The following CROCC variants were observed in gnomAD, a reference collection of about 807,000 sequenced individuals.
The protein encoded by CROCC is rootletin.
Under a neutral mutation model 245.2 loss-of-function variants are expected in CROCC, and 180 were observed. That is an observed-to-expected ratio of 0.73 (90% confidence interval 0.65 to 0.83). The LOEUF (loss-of-function observed/expected upper bound fraction) is 0.83, where lower values mean the gene tolerates loss of function less well. Among genes scored for constraint, CROCC ranks in the 40% least tolerant of loss-of-function variants. The probability of loss-of-function intolerance (pLI) is 0.00; values close to 1 mark genes in which losing one functional copy is unlikely to be tolerated. For synonymous variants in CROCC, 1,205 were observed against 1,241.6 expected (o/e 0.97, Z 0.62); for missense variants, 2,688 against 2,779.4 (o/e 0.97, Z 0.74).
chr1:16,942,964 C>T (rs1260888888), intron 13 of CROCC, among the ~76,000 whole-genome samples: 2 of 152,214 alleles, frequency 1.3e-5, no homozygotes, highest in African/African-American at 2.4e-5. Flanking sequence ...AAAAATTGGC[C>T]GGGCACAGTG....
Position 16,956,012 on chromosome 1 carries a change from T to C in CROCC, c.3720T>C (p.Asn1240=), listed in dbSNP as rs1171251516. 1.3e-6 allele frequency: 2 copies of C among 1,550,606 alleles called. No homozygotes were observed. Among genetic ancestry groups the C allele is most frequent in the Non-Finnish European group, 1.7e-6 (2 of 1,146,990 alleles). ...CCCTCTCCAGCCTGAAGCTTGCCAA[T>C]GAGGACAAGGAGCAGAAGCTGGCAC... ...ESERISLKLA[N]EDKEQKLALL... is the part of the protein sequence containing the mutation. Residue 1240 remains asparagine, a synonymous_variant, in exon 25 of 37, where the codon AAT becomes AAC. Transcript: ENST00000375541.
At chr1:16,939,271 G>T (rs1451679890) in intron 12 of CROCC, 129 bp downstream of exon 12, 7 of 839,890 alleles carry the variant, frequency 8.3e-6, no homozygotes, top group Non-Finnish European at 1.2e-5. Flanking sequence ...AGCGCCCTGG[G>T]GTGCAGCCAG....
At chr1:16,914,696 T>A (rs1176112420) in intron 1 of CROCC, among the ~76,000 whole-genome samples, 5 of 152,276 alleles carry the variant, frequency 3.3e-5, no homozygotes, top group South Asian at 2.1e-4. Flanking sequence ...CCTCTCACCA[T>A]GCGGCCTCAG....
chr1:16,926,109 A>G (rs1309542395), intron 3 of CROCC, among the ~76,000 whole-genome samples: 1 of 152,276 alleles, frequency 6.6e-6, no homozygotes, highest in Non-Finnish European at 1.5e-5. Flanking sequence ...GGGTTAGTCT[A>G]GAAAGCTCCC....
intron 27 of CROCC, among the ~76,000 whole-genome samples, chr1:16,965,235 G>C (rs957677371): frequency 1.3e-5 from 2 of 152,200 alleles, no homozygotes; most frequent in Non-Finnish European, 2.9e-5. Context: ...TGGGCACTCA[G>C]TATGGAGAGA....
rs2075853687 is a variant in CROCC, at chr1:16,938,945, A to C, written c.1411A>C (p.Ser471Arg). Residue 471 changes from serine (S) to arginine (R), a missense_variant, in exon 12 of 37, where the codon AGC becomes CGC. Physicochemically the swap from Ser to Arg is moderately radical, Grantham distance 110. Transcript: ENST00000375541. ...LSDSESGVQL[S>R]GSERTADASN... ...AGACTCTGAGAGCGGCGTCCAGCTG[A>C]GCGGCTCTGAGCGCACCGCGGATGC... 3 of 1,600,970 alleles carry C rather than the reference A, an allele frequency of 1.9e-6. No homozygotes were observed. Among genetic ancestry groups the C allele is most frequent in the African/African-American group, 2.7e-5 (2 of 74,116 alleles).
At chr1:16,934,325 A>G (rs2075743193) in intron 8 of CROCC, among the ~76,000 whole-genome samples, 1 of 151,888 alleles carries the variant, frequency 6.6e-6, no homozygotes, top group African/African-American at 2.4e-5. Flanking sequence ...TTTTTGAGAC[A>G]GTCTCTCTCT....
upstream of CROCC, among the ~76,000 whole-genome samples, chr1:16,920,747 T>TTC (rs2075386527): frequency 6.6e-6 from 1 of 151,308 alleles, no homozygotes; most frequent in Non-Finnish European, 1.5e-5. Context: ...TGTGCCTTTT[T>TTC]TTTTTTTTTT....
intron 3 of CROCC, among the ~76,000 whole-genome samples, chr1:16,926,375 T>C (rs1380368751): frequency 6.6e-6 from 1 of 152,240 alleles, no homozygotes; most frequent in Admixed American, 6.5e-5. Flanking sequence ...ATGAGACCCT[T>C]GGTCCAGGGC....
chr1:16,942,588 G>A (rs1271620761), intron 13 of CROCC, among the ~76,000 whole-genome samples: 1 of 152,274 alleles, frequency 6.6e-6, no homozygotes, highest in Non-Finnish European at 1.5e-5. Flanking sequence ...CTGTGATTTA[G>A]TCTTCCTGTC....
intron 9 of CROCC, among the ~76,000 whole-genome samples, chr1:16,937,412 C>T (rs2075816170): frequency 6.6e-6 from 1 of 151,960 alleles, no homozygotes. Flanking sequence ...CTGGACAAGT[C>T]CTCAACTGCT....
chr1:16,968,967 T>G (rs1244615729), intron 31 of CROCC, 149 bp from the exon 32 acceptor site: 10 of 802,046 alleles, frequency 1.2e-5, no homozygotes, highest in Non-Finnish European at 6.3e-6. Context: ...CCAGCAGGAG[T>G]GCTTAGGAAC....
At chr1:16,925,633 G>A (rs2075517279) in intron 3 of CROCC, among the ~76,000 whole-genome samples, 1 of 152,290 alleles carries the variant, frequency 6.6e-6, no homozygotes, top group Non-Finnish European at 1.5e-5. Flanking sequence ...GCAGAGCTAG[G>A]GTTGGCATGG....
At chr1:16,945,387 C>G (rs2076021841) in intron 14 of CROCC, 75 bp from the exon 15 acceptor site, 1 of 1,594,492 alleles carries the variant, frequency 6.3e-7, no homozygotes, top group African/African-American at 1.3e-5. Flanking sequence ...GGTCCCCAGC[C>G]CAGCATCTCG....
chr1:16,920,093 T>TA (rs1491109612), upstream of CROCC, among the ~76,000 whole-genome samples: 596 of 9,026 alleles, frequency 0.066, no homozygotes, highest in Non-Finnish European at 0.088. Flanking sequence ...TTTATTTATA[T>TA]TTTTGAGACG....
In CROCC at chr1:16,971,567, A is replaced by T. The variant is rs1350895186; in HGVS notation, c.5887A>T (p.Ser1963Cys). 6.5e-7 allele frequency: 1 copy of T among 1,536,422 alleles called. No individual in the cohort carries two copies. The highest frequency in any genetic ancestry group is 2.0e-5 in the Admixed American group (1 of 50,910). ...ELQQEVERLR[S>C]AQAQTERTLE... The stretch of plus-strand genomic sequence containing the variant: ...GCAGCAGGAGGTGGAGCGGCTGCGC[A>T]GCGCCCAGGCGCAGACTGAGCGCAC... Residue 1963 changes from serine (S) to cysteine (C), a missense_variant, in exon 36 of 37, where the codon AGC becomes TGC. Physicochemically the swap from Ser to Cys is moderately radical, Grantham distance 112. Coordinates refer to ENST00000375541, the MANE Select transcript of CROCC (RefSeq NM_014675.5).
Position 16,966,444 on chromosome 1 carries a change from A to G in CROCC, c.4733A>G (p.Gln1578Arg). Residue 1578 changes from glutamine (Q) to arginine (R), a missense_variant, in exon 30 of 37, where the codon CAG becomes CGG. Around this residue, in one of 9 missense-constraint regions of CROCC, gnomAD observed 1,218 missense variants for 1,286.3 expected, o/e 0.95. Coordinates refer to ENST00000375541, the MANE Select transcript of CROCC (RefSeq NM_014675.5). This position sits in a 1 kb window ranked among gnomAD's most constrained non-coding sequence, Gnocchi z 4.8. ...RSVDGRLSGV[Q>R]AELALQEESV... ...GTGGATGGGCGGCTGAGCGGGGTCC[A>G]GGCGGAGCTGGCGCTGCAGGAGGAG... 1 of 1,537,612 alleles carries G rather than the reference A, an allele frequency of 6.5e-7. No homozygotes were observed. The highest frequency in any genetic ancestry group is 8.7e-7 in the Non-Finnish European group (1 of 1,145,538).
In CROCC at chr1:16,970,652, T is replaced by C; in HGVS notation, c.5669T>C (p.Leu1890Pro). 1.3e-6 allele frequency: 2 copies of C among 1,561,410 alleles called. No homozygotes were observed. Among genetic ancestry groups the C allele is most frequent in the Non-Finnish European group, 1.7e-6 (2 of 1,152,804 alleles). Residue 1890 changes from leucine (L) to proline (P), a missense_variant, in exon 35 of 37, where the codon CTT becomes CCT. Physicochemically the swap from Leu to Pro is moderately conservative, Grantham distance 98. Around this residue, in one of 9 missense-constraint regions of CROCC, gnomAD observed 1,218 missense variants for 1,286.3 expected, o/e 0.95. Coordinates refer to ENST00000375541, the MANE Select transcript of CROCC (RefSeq NM_014675.5). ...CCTGCCTAGGTGGAGCGGGAGAAGC[T>C]TCGTAGCCATGAGGACACAGTGCGG... is the stretch of plus-strand genomic sequence containing the variant. ...RTLDKVEREK[L>P]RSHEDTVRLS...
At chr1:16,929,237 T>C (rs1301327667) in intron 3 of CROCC, among the ~76,000 whole-genome samples, 1 of 152,294 alleles carries the variant, frequency 6.6e-6, no homozygotes, top group Admixed American at 6.5e-5. Flanking sequence ...CCGGGAATGT[T>C]TGAGGTTGCC....
Sources: allele counts gnomAD v4.1 joint callset (sites outside exome capture counted in the v4.1 genomes callset), GRCh38; gene constraint gnomAD v4.1.1; regional missense constraint gnomAD v4.1.1; non-coding constraint Gnocchi (gnomAD v3.1); transcripts MANE v1.5; gene names NCBI Gene and HGNC (gene_info 2026-07-23, HGNC 2026-07-21).